R3HDM2: variants seen among roughly 807,000 people sequenced by gnomAD.
R3HDM2 encodes the protein R3H domain-containing protein 2.
R3HDM2 carries 38 observed loss-of-function variants against 124.5 expected under a neutral mutation model. That is an observed-to-expected ratio of 0.31 (90% CI 0.24 to 0.40). The LOEUF (loss-of-function observed/expected upper bound fraction) is 0.40, where lower values mean the gene tolerates loss of function less well. Ranked by LOEUF, R3HDM2 falls within the 10% of genes least tolerant of loss-of-function variation. R3HDM2 has a pLI of 1.00. For missense variants in R3HDM2, 869 were observed against 1,236.9 expected, an observed-to-expected ratio of 0.70 and a Z score of 4.46; for synonymous variants, 391 against 448.0, an observed-to-expected ratio of 0.87 and a Z score of 1.61.
At chr12:57,364,398 C>T (rs191048278) in intron 2 of R3HDM2, among the ~76,000 whole-genome samples, 165 of 152,186 alleles carry the variant, frequency 1.1e-3, no homozygotes, top group African/African-American at 3.7e-3. Flanking sequence ...GATCTGCCAA[C>T]CTCAGCCTCC....
intron 10 of R3HDM2, among the ~76,000 whole-genome samples, chr12:57,294,774 G>A (rs1241430379): frequency 6.6e-6 from 1 of 152,158 alleles, no homozygotes; most frequent in African/African-American, 2.4e-5. Context: ...TTAAAGGGAT[G>A]GGATAGGCTG....
At chr12:57,408,422 G>C (rs1008463209) in intron 1 of R3HDM2, among the ~76,000 whole-genome samples, 2 of 152,022 alleles carry the variant, frequency 1.3e-5, no homozygotes, top group African/African-American at 4.8e-5. Context: ...AATATATCAA[G>C]GATTTGCTTC....
chr12:57,430,495 G>T, intron 1 of R3HDM2: 5 of 343,276 alleles, frequency 1.5e-5, no homozygotes, highest in Non-Finnish European at 2.0e-5. Flanking sequence ...CCCTGCCCCC[G>T]CACCGCCGCC....
intron 2 of R3HDM2, among the ~76,000 whole-genome samples, chr12:57,372,930 G>A (rs983525304): frequency 1.3e-5 from 2 of 152,226 alleles, no homozygotes; most frequent in Non-Finnish European, 2.9e-5. Context: ...CTCTGGCCAA[G>A]CATGGGGGCT....
At chr12:57,384,526 T>C (rs1042670828) in intron 2 of R3HDM2, among the ~76,000 whole-genome samples, 3 of 152,050 alleles carry the variant, frequency 2.0e-5, no homozygotes, top group Non-Finnish European at 4.4e-5. Flanking sequence ...GTAAAGTACA[T>C]AGAAAAGTGC....
intron 2 of R3HDM2, among the ~76,000 whole-genome samples, chr12:57,335,572 G>C (rs1173473095): frequency 6.9e-6 from 1 of 145,954 alleles, no homozygotes; most frequent in African/African-American, 2.6e-5. Context: ...GTCACAGCTT[G>C]CTGCAACTTT....
intron 1 of R3HDM2, among the ~76,000 whole-genome samples, chr12:57,403,259 C>T (rs1302913375): frequency 1.3e-5 from 2 of 150,506 alleles, no homozygotes; most frequent in Non-Finnish European, 3.0e-5. Flanking sequence ...TTTGGGAGGC[C>T]GAGGTAGGTG....
At chr12:57,400,520 C>G (rs889983370) in intron 1 of R3HDM2, among the ~76,000 whole-genome samples, 1 of 152,038 alleles carries the variant, frequency 6.6e-6, no homozygotes, top group Admixed American at 6.6e-5. Context: ...CATCATGGCA[C>G]ATGTATACAT....
At chr12:57,406,054 G>T (rs182137450) in intron 1 of R3HDM2, among the ~76,000 whole-genome samples, 29 of 152,244 alleles carry the variant, frequency 1.9e-4, no homozygotes, top group African/African-American at 7.0e-4. Context: ...AGGCGCAGTG[G>T]CTCATGCCTG....
intron 3 of R3HDM2, chr12:57,305,608 T>C (rs974492736): frequency 5.0e-6 from 2 of 398,864 alleles, no homozygotes; most frequent in African/African-American, 4.1e-5. Context: ...TCATGCTAGC[T>C]ACTGGAGGAT....
intron 1 of R3HDM2, among the ~76,000 whole-genome samples, chr12:57,408,007 G>A (rs1277082648): frequency 6.6e-6 from 1 of 151,960 alleles, no homozygotes; most frequent in Non-Finnish European, 1.5e-5. Flanking sequence ...TCAGCTAACT[G>A]CAACCTCCAC....
At position 57,254,650 on chromosome 12, in the gene R3HDM2, C is replaced by G; in HGVS notation, c.*123G>C. 1.2e-6 allele frequency: 1 copy of G among 848,582 alleles called. No homozygotes were observed. Among genetic ancestry groups the G allele is most frequent in the Non-Finnish European group, 1.8e-6 (1 of 564,358 alleles). 52.6% of individuals were successfully genotyped at this position (848,582 alleles called of 1,614,324 possible). ...TCTGTGTTTCCATCTTCATCACTGTCTTAGGTTCCAGTTTAACATCAGTTT... is the reference window on the plus strand; with the variant it reads ...TCTGTGTTTCCATCTTCATCACTGTGTTAGGTTCCAGTTTAACATCAGTTT... On this transcript the variant is annotated 3_prime_UTR_variant, in exon 24 of 24. Coordinates refer to ENST00000402412, the MANE Select transcript of R3HDM2 (RefSeq NM_001394031.1).
chr12:57,425,250 C>A (rs1461912321), intron 1 of R3HDM2, among the ~76,000 whole-genome samples: 3 of 144,638 alleles, frequency 2.1e-5, no homozygotes, highest in African/African-American at 5.2e-5. Context: ...CCAACCTGGG[C>A]AACAAGAGCG....
At chr12:57,336,333 A>C (rs1464505096) in intron 2 of R3HDM2, among the ~76,000 whole-genome samples, 1 of 152,144 alleles carries the variant, frequency 6.6e-6, no homozygotes, top group Non-Finnish European at 1.5e-5. Flanking sequence ...CATTCTACCA[A>C]CATAAAGACA....
intron 1 of R3HDM2, among the ~76,000 whole-genome samples, chr12:57,418,624 T>C (rs1293131478): frequency 6.6e-6 from 1 of 151,732 alleles, no homozygotes; most frequent in Non-Finnish European, 1.5e-5. Context: ...AGTGGTGCGA[T>C]CTCAGCTCAC....
intron 3 of R3HDM2, among the ~76,000 whole-genome samples, chr12:57,305,358 A>G (rs1473712949): frequency 1.3e-5 from 2 of 152,108 alleles, no homozygotes; most frequent in South Asian, 4.1e-4. Context: ...ATGTTTCACC[A>G]TTTAGGATGT....
chr12:57,378,789 T>C (rs911013215), intron 2 of R3HDM2, among the ~76,000 whole-genome samples: 1 of 152,210 alleles, frequency 6.6e-6, no homozygotes, highest in Admixed American at 6.5e-5. Flanking sequence ...TCCATGTTCA[T>C]AGCAGCACTA....
In R3HDM2 at chr12:57,385,441, A is replaced by G. The variant is rs558701660; in HGVS notation, c.-36+10308T>C. On this transcript the variant is annotated intron_variant, in intron 2 of 23. Transcript: ENST00000402412. ...GTATTTTTAGTAGAGAGGGGGTTTC[A>G]CCGTGTTAGCCAGAATGGTCTCGAT... Among the ~76,000 whole-genome samples, 86 of 151,810 alleles carry G rather than the reference A, an allele frequency of 5.7e-4. 1 individual carries two copies. The highest frequency in any genetic ancestry group is 2.0e-3 in the African/African-American group (81 of 41,428).
chr12:57,298,815 T>G (rs1218707672), intron 6 of R3HDM2, among the ~76,000 whole-genome samples: 1 of 151,808 alleles, frequency 6.6e-6, no homozygotes, highest in East Asian at 1.9e-4. Context: ...ATACAAAAAT[T>G]AGCCAGGTGT....
Sources: gnomAD v4.1 joint callset for allele counts (sites outside exome capture counted in the v4.1 genomes callset) on GRCh38, gnomAD v4.1.1 for gene constraint, MANE v1.5 for transcripts, NCBI Gene and HGNC (gene_info 2026-07-23, HGNC 2026-07-21) for gene names.